The following UNKL variants were observed in gnomAD, a reference collection of about 807,000 sequenced individuals.
The protein encoded by UNKL is unk like zinc finger.
Under a neutral mutation model 78.0 loss-of-function variants are expected in UNKL, and 60 were observed. That is an observed-to-expected ratio of 0.77 (90% CI 0.63 to 0.95). The LOEUF (loss-of-function observed/expected upper bound fraction) is 0.95, where lower values mean the gene tolerates loss of function less well. Ranked by LOEUF, UNKL falls within the 40% of genes least tolerant of loss-of-function variation. The pLI, the probability that UNKL is intolerant of heterozygous loss-of-function variation, is 0.00. For synonymous variants in UNKL, 608 were observed against 474.8 expected, an observed-to-expected ratio of 1.28 and a Z score of -3.65; for missense variants, 1,159 against 1,045.7, an observed-to-expected ratio of 1.11 and a Z score of -1.49.
At chr16:1,402,724 A>G (rs2037583712) in intron 3 of UNKL, among the ~76,000 whole-genome samples, 1 of 151,860 alleles carries the variant, frequency 6.6e-6, no homozygotes, top group African/African-American at 2.4e-5. Context: ...GCAGTGGCTC[A>G]CTGTAATCCC....
rs542601877 is a variant in UNKL, at chr16:1,396,086, C to T, written c.852+1092G>A. Among the ~76,000 whole-genome samples the T allele has an allele frequency of 5.3e-5, 8 of 151,626 alleles. No individual in the cohort carries two copies. In the East Asian group the frequency reaches 9.8e-4, roughly 18 times the overall value. Reference sequence around the variant, plus strand: ...GCCTCCAAGTAGCTGAGACTATAGGCGCGCACCACTACACCTGGCTAATTT... The same window carrying T: ...GCCTCCAAGTAGCTGAGACTATAGGTGCGCACCACTACACCTGGCTAATTT... On this transcript the variant is annotated intron_variant, in intron 6 of 14. Coordinates refer to ENST00000389221, the MANE Select transcript of UNKL (RefSeq NM_001372107.1).
chr16:1,405,052 G>A (rs144177590), intron 2 of UNKL, among the ~76,000 whole-genome samples: 2 of 152,166 alleles, frequency 1.3e-5, no homozygotes, highest in African/African-American at 2.4e-5. Context: ...AAATTAGCCC[G>A]GCGTGGTGGT....
Position 1,368,018 on chromosome 16 carries a change from C to A in UNKL, c.1586-160G>T, listed in dbSNP as rs1348637117. On this transcript the variant is annotated intron_variant, in intron 12 of 14. Coordinates refer to ENST00000389221, the MANE Select transcript of UNKL (RefSeq NM_001372107.1). ...AGCCACGCCTGCCCCTTGCCCCACT[C>A]CTGGACCCCACCAGGCTCAGGAAGA... The A allele has an allele frequency of 1.1e-5, 7 of 653,674 alleles. No homozygotes were observed. In the African/African-American group the frequency reaches 1.1e-4, roughly 10 times the overall value. The allele number at this position is 653,674 out of a possible 1,614,324, so 40.5% of individuals were successfully genotyped here.
At chr16:1,368,411 G>A (rs1383610177) in intron 12 of UNKL, among the ~76,000 whole-genome samples, 1 of 151,482 alleles carries the variant, frequency 6.6e-6, no homozygotes. Flanking sequence ...GACCATCCTG[G>A]CTAACAAGGT....
At chr16:1,380,142 T>C (rs572956423) in intron 10 of UNKL, among the ~76,000 whole-genome samples, 1 of 152,328 alleles carries the variant, frequency 6.6e-6, no homozygotes, top group Admixed American at 6.5e-5. Flanking sequence ...CTATGAAGTG[T>C]AAGATGAAGG....
chr16:1,403,233 C>T lies in UNKL; in HGVS notation c.399G>A (p.Lys133=), dbSNP rs1173668366. 2 of 1,614,068 alleles carry T rather than the reference C, an allele frequency of 1.2e-6. No homozygotes were observed. The highest frequency in any genetic ancestry group is 1.7e-6 in the Non-Finnish European group (2 of 1,180,030). ...HETDARGHCV[K]NGLHCAFAHG... is the part of the protein sequence containing the mutation. ...GCGCGAAGGCACAGTGCAGCCCATT[C>T]TTCACGCAGTGGCCACGTGCGTCTG... Residue 133 remains lysine (K), a synonymous_variant, in exon 3 of 15, where the codon AAG becomes AAA. Transcript: ENST00000389221. This position sits in a 1 kb window ranked among gnomAD's most constrained non-coding sequence, Gnocchi z 4.8.
intron 2 of UNKL, among the ~76,000 whole-genome samples, chr16:1,405,625 T>C (rs1239202092): frequency 6.6e-6 from 1 of 151,410 alleles, no homozygotes; most frequent in African/African-American, 2.4e-5. Flanking sequence ...GCCTTACTCT[T>C]ACGGACACCT....
chr16:1,383,720 C>T (rs894592463), intron 10 of UNKL: 7 of 400,494 alleles, frequency 1.7e-5, no homozygotes, highest in Non-Finnish European at 2.6e-5. Flanking sequence ...AGAGTCATTG[C>T]GGGTCTGGCC....
intron 10 of UNKL, among the ~76,000 whole-genome samples, chr16:1,376,810 T>C (rs1382327608): frequency 6.6e-6 from 1 of 152,050 alleles, no homozygotes; most frequent in Admixed American, 6.6e-5. Flanking sequence ...AGTAAGAGAT[T>C]AACAAGATTA....
At chr16:1,379,865 G>C (rs3743504) in intron 10 of UNKL, among the ~76,000 whole-genome samples, 5,794 of 152,266 alleles carry the variant, frequency 0.038, 138 homozygotes, top group South Asian at 0.067. Flanking sequence ...CGGGCAGCGG[G>C]GGCCAGAGGT....
At chr16:1,412,946 G>C (rs2038106692) in intron 2 of UNKL, among the ~76,000 whole-genome samples, 1 of 152,046 alleles carries the variant, frequency 6.6e-6, no homozygotes, top group Non-Finnish European at 1.5e-5. Context: ...CAGGAACTGT[G>C]TCAAATCAGA....
chr16:1,394,002 C>G, intron 7 of UNKL, 129 bp downstream of exon 7: 1 of 925,494 alleles, frequency 1.1e-6, no homozygotes, highest in South Asian at 1.6e-5. Context: ...CAGCCCCCAA[C>G]CACGGTGCTG....
intron 14 of UNKL, 132 bp downstream of exon 14, chr16:1,366,960 T>A: frequency 7.1e-7 from 1 of 1,415,320 alleles, no homozygotes; most frequent in Non-Finnish European, 9.2e-7. Flanking sequence ...CACCGTCTCC[T>A]CCTCCCTAGG....
intron 6 of UNKL, among the ~76,000 whole-genome samples, chr16:1,396,779 G>C (rs2037284531): frequency 6.6e-6 from 1 of 151,774 alleles, no homozygotes; most frequent in African/African-American, 2.4e-5. Context: ...ATTTTTAGTA[G>C]AAACGGGGTT....
chr16:1,382,163 A>AACACAGC (rs1429212210), intron 10 of UNKL, among the ~76,000 whole-genome samples: 1 of 152,240 alleles, frequency 6.6e-6, no homozygotes, highest in Admixed American at 6.5e-5. Context: ...GAGAAAGCTT[A>AACACAGC]ACACAGCACA....
rs919694735 is a variant in UNKL, at chr16:1,363,642, C to T, written c.*2598G>A. The T allele has an allele frequency of 1.1e-5, 2 of 190,078 alleles. No homozygotes were observed. The highest frequency in any genetic ancestry group is 2.4e-5 in the African/African-American group (1 of 41,956). The allele number at this position is 190,078 out of a possible 1,614,324, so 11.8% of individuals were successfully genotyped here. ...GGGCGCGCCTCCACCTCAGCCTCCA[C>T]GGGGCACCTTCCAGCCACTGCTGTG... On this transcript the variant is annotated 3_prime_UTR_variant, in exon 15 of 15. Coordinates refer to ENST00000389221, the MANE Select transcript of UNKL (RefSeq NM_001372107.1).
intron 2 of UNKL, among the ~76,000 whole-genome samples, chr16:1,407,003 G>A (rs1468339615): frequency 6.6e-6 from 1 of 151,982 alleles, no homozygotes; most frequent in Non-Finnish European, 1.5e-5. Context: ...ACAAAAATTA[G>A]TTGGGCATGG....
rs1402726432 is a variant in UNKL, at chr16:1,367,245, T to C, written c.1893A>G (p.Ala631=). 3 of 1,592,296 alleles carry C rather than the reference T, an allele frequency of 1.9e-6. No individual in the cohort carries two copies. The highest frequency in any genetic ancestry group is 1.1e-5 in the South Asian group (1 of 87,748). ...LALQKKEEVE[A]QVKQLQEELE... ...GCTCCTCCTGCAGCTGCTTCACCTGTGCCTCCACCTCCTCCTTCTTCTGCA... is the reference window on the plus strand; with the variant it reads ...GCTCCTCCTGCAGCTGCTTCACCTGCGCCTCCACCTCCTCCTTCTTCTGCA... The change falls in exon 14 of 15, where the codon GCA becomes GCG. Residue 631 remains alanine (A), a synonymous_variant. Coordinates refer to ENST00000389221, the MANE Select transcript of UNKL (RefSeq NM_001372107.1).
intron 10 of UNKL, among the ~76,000 whole-genome samples, chr16:1,380,715 C>T (rs1429718449): frequency 1.7e-5 from 2 of 119,810 alleles, no homozygotes; most frequent in Non-Finnish European, 3.2e-5. Context: ...CGCTCTGTCA[C>T]CCAGGCTGGA....
Sources: allele counts gnomAD v4.1 joint callset (sites outside exome capture counted in the v4.1 genomes callset), GRCh38; gene constraint gnomAD v4.1.1; non-coding constraint Gnocchi (gnomAD v3.1); transcripts MANE v1.5; gene names NCBI Gene and HGNC (gene_info 2026-07-23, HGNC 2026-07-21).